Variants in TSNARE1 observed in about 807,000 individuals in gnomAD.
The protein encoded by TSNARE1 is t-SNARE domain-containing protein 1.
In TSNARE1, 49 loss-of-function variants were observed where a neutral mutation model predicts 62.0. That is an observed-to-expected ratio of 0.79 (90% CI 0.63 to 1.00). The LOEUF is 1.00. TSNARE1 is among the 50% of genes least tolerant of loss of function. TSNARE1 has a pLI of 0.00. For synonymous variants in TSNARE1, 328 were observed against 294.4 expected (o/e 1.11, Z -1.17); for missense variants, 755 against 700.1 (o/e 1.08, Z -0.88).
intron 10 of TSNARE1, among the ~76,000 whole-genome samples, chr8:142,296,994 C>CA (rs1203888819): frequency 6.6e-6 from 1 of 152,222 alleles, no homozygotes; most frequent in Non-Finnish European, 1.5e-5. Context: ...CGGCCCGCTA[C>CA]ACTCTGCCTA....
chr8:142,374,863 C>T (rs1836206777), intron 1 of TSNARE1, among the ~76,000 whole-genome samples: 1 of 152,086 alleles, frequency 6.6e-6, no homozygotes, highest in African/African-American at 2.4e-5. Flanking sequence ...GCGCTGGCCT[C>T]GGGCTGCCCT....
intron 11 of TSNARE1, chr8:142,280,191 C>A: frequency 1.0e-6 from 1 of 985,400 alleles, no homozygotes; most frequent in Non-Finnish European, 1.2e-6. Flanking sequence ...TGAAGTTGGG[C>A]TTGCGTGTCT....
At chr8:142,238,833 T>G (rs1295560228) in intron 12 of TSNARE1, among the ~76,000 whole-genome samples, 1 of 146,572 alleles carries the variant, frequency 6.8e-6, no homozygotes, top group Non-Finnish European at 1.5e-5. Flanking sequence ...AACACCTGTC[T>G]CCCCTTCCTC....
chr8:142,384,892 G>A (rs778077572), intron 1 of TSNARE1, among the ~76,000 whole-genome samples: 2 of 152,134 alleles, frequency 1.3e-5, no homozygotes, highest in Non-Finnish European at 2.9e-5. Flanking sequence ...AGACTGCAAA[G>A]GCCACTCACA....
At chr8:142,226,396 C>G (rs996218808) in intron 13 of TSNARE1, among the ~76,000 whole-genome samples, 1 of 152,184 alleles carries the variant, frequency 6.6e-6, no homozygotes, top group Non-Finnish European at 1.5e-5. Flanking sequence ...CTCCTGCAAT[C>G]GAGCTACGGT....
chr8:142,382,183 G>A (rs897170806), intron 1 of TSNARE1, among the ~76,000 whole-genome samples: 4 of 152,202 alleles, frequency 2.6e-5, no homozygotes, highest in African/African-American at 4.8e-5. Flanking sequence ...CAGAGGAGGA[G>A]GAGGGCCCAG....
rs1586784339 is a variant in TSNARE1 at position 142,227,086 on chromosome 8, CAGGAA to C, written c.*11+2382_*11+2386del. On this transcript the variant is annotated intron_variant, in intron 13 of 13. Transcript: ENST00000524325. ...ACTGCACCCACACAGCAGTGACAGC[CAGGAA>C]CCCCACTGCACCCACACAATAGTGA... Among the ~76,000 whole-genome samples the C allele has an allele frequency of 6.4e-4, 96 of 149,450 alleles. 1 individual carries two copies. The East Asian group carries it at 0.015, about 23-fold the overall frequency.
intron 12 of TSNARE1, chr8:142,271,031 G>A: frequency 1.0e-6 from 1 of 985,810 alleles, no homozygotes; most frequent in Middle Eastern, 5.2e-4. Context: ...CTCAGCAGGG[G>A]AAAGACTGGA....
intron 9 of TSNARE1, among the ~76,000 whole-genome samples, chr8:142,301,882 CAG>C (rs1321676059): frequency 6.6e-6 from 1 of 152,200 alleles, no homozygotes; most frequent in Non-Finnish European, 1.5e-5. Flanking sequence ...CATGCTAAAT[CAG>C]GGCGAGCCCG....
At chr8:142,323,501 G>C (rs192307878) in intron 6 of TSNARE1, among the ~76,000 whole-genome samples, 1 of 152,226 alleles carries the variant, frequency 6.6e-6, no homozygotes, top group South Asian at 2.1e-4. Context: ...GCAGACTCCT[G>C]CTGGCAAGGG....
rs1834567604 is a variant in TSNARE1 at position 142,354,714 on chromosome 8, C to T, written c.11G>A (p.Gly4Glu). MSYGSIARGGGLGS... is the reference protein window; with the variant it reads MSYESIARGGGLGS... ...CAGGCCACCTCCACGGGCGATGGAT[C>T]CGTATGACATCTTCTTACAGATGGC... Residue 4 changes from glycine to glutamate, a missense_variant, in exon 2 of 14, where the codon GGA (glycine) becomes GAA (glutamate). Gly to Glu is a moderately conservative substitution (Grantham distance 98). Coordinates refer to ENST00000524325, the MANE Select transcript of TSNARE1 (RefSeq NM_145003.5). 6.2e-7 allele frequency: 1 copy of T among 1,613,476 alleles called. No homozygotes were observed. The highest frequency in any genetic ancestry group is 8.5e-7 in the Non-Finnish European group (1 of 1,179,764).
chr8:142,279,946 A>C, intron 11 of TSNARE1: 1 of 1,106,466 alleles, frequency 9.0e-7, no homozygotes, highest in Non-Finnish European at 1.1e-6. Context: ...AGGTGTGAGG[A>C]GGAGGCCGGG....
intron 13 of TSNARE1, among the ~76,000 whole-genome samples, chr8:142,227,219 G>A (rs1383548554): frequency 4.9e-5 from 7 of 141,692 alleles, no homozygotes; most frequent in South Asian, 2.3e-4. Context: ...CACAACCCTA[G>A]TGACAGCCAG....
At chr8:142,275,848 A>AGAGTCACCTCCG in intron 11 of TSNARE1, 1 of 919,520 alleles carries the variant, frequency 1.1e-6, no homozygotes, top group Non-Finnish European at 1.3e-6. Flanking sequence ...TGCCAGGCAC[A>AGAGTCACCTCCG]GCCTGGCACG....
chr8:142,230,429 A>G (rs1200238279), intron 12 of TSNARE1, among the ~76,000 whole-genome samples: 6 of 152,222 alleles, frequency 3.9e-5, no homozygotes, highest in Non-Finnish European at 8.8e-5. Context: ...CAGGGAAGAC[A>G]GGAGTTTAGA....
chr8:142,279,488 C>T (rs1312006513), intron 11 of TSNARE1, among the ~76,000 whole-genome samples: 3 of 152,326 alleles, frequency 2.0e-5, no homozygotes, highest in South Asian at 2.1e-4. Flanking sequence ...CCCACGGTAG[C>T]GCTCACCTCT....
At chr8:142,258,891 C>T (rs2130377002) in intron 12 of TSNARE1, among the ~76,000 whole-genome samples, 1 of 152,268 alleles carries the variant, frequency 6.6e-6, no homozygotes, top group Non-Finnish European at 1.5e-5. Context: ...CTGGAAGAGC[C>T]CCAGATGCAG....
intron 13 of TSNARE1, among the ~76,000 whole-genome samples, chr8:142,223,301 C>CTCACTTAT (rs1816573819): frequency 3.5e-4 from 6 of 17,204 alleles, no homozygotes; most frequent in Non-Finnish European, 3.4e-4. Context: ...CACTCAACCA[C>CTCACTTAT]TCACTCATTC....
chr8:142,309,737 G>A (rs1044220069), intron 9 of TSNARE1, among the ~76,000 whole-genome samples: 1 of 152,076 alleles, frequency 6.6e-6, no homozygotes, highest in East Asian at 1.9e-4. Context: ...TAAGAATCTG[G>A]AATCAAGGTA....
Sources: allele counts gnomAD v4.1 joint callset (sites outside exome capture counted in the v4.1 genomes callset), GRCh38; gene constraint gnomAD v4.1.1; transcripts MANE v1.5; gene names NCBI Gene and HGNC (gene_info 2026-07-23, HGNC 2026-07-21).